Variants in PDGFRL observed in about 807,000 individuals in gnomAD.
The protein encoded by PDGFRL is platelet-derived growth factor receptor-like protein.
In PDGFRL, 46 loss-of-function variants were observed where a neutral mutation model predicts 37.2. That is an observed-to-expected ratio of 1.24 (90% CI 0.98 to 1.58). The LOEUF (loss-of-function observed/expected upper bound fraction) is 1.58, where lower values mean the gene tolerates loss of function less well. PDGFRL is among the 40% of genes most tolerant of loss of function. The pLI, the probability that PDGFRL is intolerant of heterozygous loss-of-function variation, is 0.00. For synonymous variants in PDGFRL, 251 were observed against 184.3 expected, an observed-to-expected ratio of 1.36 and a Z score of -2.93; for missense variants, 692 against 467.6, an observed-to-expected ratio of 1.48 and a Z score of -4.43.
intron 1 of PDGFRL, among the ~76,000 whole-genome samples, chr8:17,579,915 A>T (rs577577038): frequency 6.6e-6 from 1 of 152,184 alleles, no homozygotes; most frequent in Non-Finnish European, 1.5e-5. Flanking sequence ...TGAGATGTCA[A>T]TCATAGCACC....
chr8:17,600,043 G>A (rs1488360966), intron 2 of PDGFRL, among the ~76,000 whole-genome samples: 1 of 152,154 alleles, frequency 6.6e-6, no homozygotes. Flanking sequence ...GCACCCTGCA[G>A]CCATCTTCCT....
At chr8:17,600,515 T>C (rs533381866) in intron 2 of PDGFRL, among the ~76,000 whole-genome samples, 2 of 152,172 alleles carry the variant, frequency 1.3e-5, no homozygotes, top group South Asian at 4.1e-4. Context: ...CTTGGATCTT[T>C]CATGAGCTTT....
chr8:17,578,320 C>G (rs956538990), intron 1 of PDGFRL, among the ~76,000 whole-genome samples: 14 of 152,176 alleles, frequency 9.2e-5, no homozygotes, highest in African/African-American at 3.4e-4. Context: ...CTCGTTCATC[C>G]TGACCAGTTC....
intron 2 of PDGFRL, among the ~76,000 whole-genome samples, chr8:17,590,163 G>A (rs1406213744): frequency 1.4e-5 from 2 of 145,240 alleles, no homozygotes; most frequent in African/African-American, 2.5e-5. Flanking sequence ...CCTGGGAGGT[G>A]GAGCTTGCAT....
intron 4 of PDGFRL, among the ~76,000 whole-genome samples, chr8:17,631,766 C>A (rs1212742949): frequency 6.6e-6 from 1 of 152,140 alleles, no homozygotes; most frequent in East Asian, 1.9e-4. Context: ...AGCCTCTGCC[C>A]TGGCTCCATT....
Position 17,589,398 on chromosome 8 carries a change from AAG to A in PDGFRL, c.56-69_56-68del, listed in dbSNP as rs1803883485. 4.2e-6 allele frequency: 5 copies of A among 1,188,376 alleles called. No individual in the cohort carries two copies. In the Admixed American group the frequency reaches 6.7e-5, roughly 16 times the overall value. The allele number at this position is 1,188,376 out of a possible 1,614,324, so 73.6% of individuals were successfully genotyped here. On this transcript the variant is annotated intron_variant, in intron 1 of 5. Transcript: ENST00000251630. The stretch of plus-strand genomic sequence containing the variant: ...AAGAATCTGTCTCAAAAAAAAAAAA[AAG>A]TTATTGGCCTCAAATATTCCAAAAA...
At chr8:17,637,372 G>T (rs910645139) in intron 5 of PDGFRL, among the ~76,000 whole-genome samples, 18 of 152,118 alleles carry the variant, frequency 1.2e-4, no homozygotes, top group Non-Finnish European at 2.1e-4. Context: ...TCTATGTGGT[G>T]TATCCCATTA....
At position 17,642,986 on chromosome 8, in the gene PDGFRL, G is replaced by GTTAAC. The variant is rs1330174061; in HGVS notation, c.*188_*192dup. The stretch of plus-strand genomic sequence containing the variant: ...AGTCATCCAGTCTATTCACAGAAGT[G>GTTAAC]TTAACTTTTCTAACAGAAAGCATGA... On this transcript the variant is annotated 3_prime_UTR_variant, in exon 6 of 6. Coordinates refer to ENST00000251630, the MANE Select transcript of PDGFRL (RefSeq NM_001372073.1). 2 of 515,944 alleles carry GTTAAC rather than the reference G, an allele frequency of 3.9e-6. No homozygotes were observed. The highest frequency in any genetic ancestry group is 3.9e-5 in the African/African-American group (2 of 51,382). 32.0% of individuals were successfully genotyped at this position (515,944 alleles called of 1,614,324 possible). A position where few individuals can be genotyped will look rare whatever the true frequency, so the allele number is the denominator to read the frequency against.
At chr8:17,590,675 G>A (rs962731073) in intron 2 of PDGFRL, among the ~76,000 whole-genome samples, 1 of 150,478 alleles carries the variant, frequency 6.6e-6, no homozygotes, top group African/African-American at 2.4e-5. Context: ...TCGTACCACC[G>A]CACTCCAGCC....
chr8:17,594,656 G>C (rs1160108005), intron 2 of PDGFRL, among the ~76,000 whole-genome samples: 1 of 152,140 alleles, frequency 6.6e-6, no homozygotes, highest in Non-Finnish European at 1.5e-5. Flanking sequence ...CCGGGTTCAA[G>C]CGATTCTCCT....
chr8:17,624,097 G>C (rs1041577396), intron 3 of PDGFRL, among the ~76,000 whole-genome samples: 6 of 152,082 alleles, frequency 3.9e-5, no homozygotes, highest in Admixed American at 6.6e-5. Flanking sequence ...AGTCCAGTTG[G>C]ATTTTTACTA....
At chr8:17,630,304 C>G (rs1804835708) in intron 4 of PDGFRL, among the ~76,000 whole-genome samples, 1 of 152,182 alleles carries the variant, frequency 6.6e-6, no homozygotes, top group East Asian at 1.9e-4. Context: ...GGAACTACTT[C>G]TTTCAATGTG....
At chr8:17,631,941 T>A (rs1804869693) in intron 4 of PDGFRL, among the ~76,000 whole-genome samples, 1 of 152,202 alleles carries the variant, frequency 6.6e-6, no homozygotes, top group Admixed American at 6.5e-5. Flanking sequence ...AACTCCCAAG[T>A]GAACGGAAGT....
At chr8:17,586,108 T>C (rs891738993) in intron 1 of PDGFRL, among the ~76,000 whole-genome samples, 4 of 151,972 alleles carry the variant, frequency 2.6e-5, no homozygotes, top group Admixed American at 1.3e-4. Context: ...TGTGCCGCCA[T>C]GCCTGGCTAC....
At chr8:17,625,138 C>CCCT (rs756867358) in intron 3 of PDGFRL, among the ~76,000 whole-genome samples, 2 of 2,906 alleles carry the variant, frequency 6.9e-4, no homozygotes, top group African/African-American at 7.8e-4. Flanking sequence ...TATCCCTCCC[C>CCCT]CCCCCGCATT....
intron 1 of PDGFRL, among the ~76,000 whole-genome samples, chr8:17,587,899 G>A (rs927310047): frequency 3.3e-5 from 5 of 152,052 alleles, no homozygotes; most frequent in Non-Finnish European, 7.4e-5. Context: ...CAAAATGCTG[G>A]GATTACAGGC....
intron 2 of PDGFRL, among the ~76,000 whole-genome samples, chr8:17,599,376 A>C (rs906431837): frequency 6.6e-6 from 1 of 152,162 alleles, no homozygotes; most frequent in South Asian, 2.1e-4. Context: ...GCTCCCACAT[A>C]TCGGTGAGAA....
At chr8:17,593,649 C>A (rs1200415949) in intron 2 of PDGFRL, among the ~76,000 whole-genome samples, 1 of 151,384 alleles carries the variant, frequency 6.6e-6, no homozygotes, top group East Asian at 1.9e-4. Flanking sequence ...AATCCCAGCA[C>A]TTTGGGAGGC....
intron 2 of PDGFRL, among the ~76,000 whole-genome samples, chr8:17,608,434 T>A (rs35819300): frequency 0.53 from 81,168 of 151,926 alleles, 22,791 homozygotes; most frequent in Middle Eastern, 0.64. Context: ...CGTGCCCTCA[T>A]GCGTTTATTT....
Sources: allele counts gnomAD v4.1 joint callset (sites outside exome capture counted in the v4.1 genomes callset), GRCh38; gene constraint gnomAD v4.1.1; transcripts MANE v1.5; gene names NCBI Gene and HGNC (gene_info 2026-07-23, HGNC 2026-07-21).